The following PCDH9 variants were observed in gnomAD, a reference collection of about 807,000 sequenced individuals.
PCDH9 encodes the protein protocadherin-9.
A neutral mutation model predicts 70.6 loss-of-function variants in PCDH9; 24 were observed. That is an observed-to-expected ratio of 0.34 (90% CI 0.25 to 0.48). The LOEUF is 0.48. Among genes scored for constraint, PCDH9 ranks in the 20% least tolerant of loss-of-function variants. The pLI, the probability that PCDH9 is intolerant of heterozygous loss-of-function variation, is 0.99. For synonymous variants in PCDH9, 562 were observed against 558.5 expected (o/e 1.01, Z -0.09); for missense variants, 1,281 against 1,503.6 (o/e 0.85, Z 2.45).
At chr13:66,553,058 C>A (rs1961562350) in intron 4 of PCDH9, among the ~76,000 whole-genome samples, 1 of 152,152 alleles carries the variant, frequency 6.6e-6, no homozygotes, top group Non-Finnish European at 1.5e-5. Context: ...ATTCAATTAC[C>A]TCTCACCTGG....
chr13:66,623,463 G>A (rs1398403158), intron 4 of PCDH9, among the ~76,000 whole-genome samples: 6 of 152,002 alleles, frequency 3.9e-5, no homozygotes, highest in Admixed American at 3.9e-4. Context: ...TTAAGAGACA[G>A]AATGTTGTCA....
intron 4 of PCDH9, among the ~76,000 whole-genome samples, chr13:66,527,577 T>C (rs1269651557): frequency 1.3e-5 from 2 of 152,106 alleles, no homozygotes; most frequent in Non-Finnish European, 2.9e-5. Flanking sequence ...CTAATATATT[T>C]TGTGCTAAAG....
intron 3 of PCDH9, among the ~76,000 whole-genome samples, chr13:66,801,091 T>G (rs1283575898): frequency 6.7e-6 from 1 of 149,946 alleles, no homozygotes. Context: ...AGGAGGGGGA[T>G]GTAGGTCTGT....
At chr13:66,896,035 C>T (rs1156429961) in intron 3 of PCDH9, among the ~76,000 whole-genome samples, 1 of 152,182 alleles carries the variant, frequency 6.6e-6, no homozygotes, top group Non-Finnish European at 1.5e-5. Context: ...TGCTGTCCAT[C>T]AAGCCTGCGA....
intron 3 of PCDH9, among the ~76,000 whole-genome samples, chr13:66,883,685 AAT>A (rs2081959612): frequency 1.3e-5 from 2 of 152,122 alleles, no homozygotes; most frequent in African/African-American, 2.4e-5. Flanking sequence ...TGGGGTTTTT[AAT>A]ATTTGCCTTT....
chr13:66,331,335 A>T (rs1300282511), intron 4 of PCDH9, among the ~76,000 whole-genome samples: 1 of 152,158 alleles, frequency 6.6e-6, no homozygotes, highest in Non-Finnish European at 1.5e-5. Context: ...AATGAATGAG[A>T]TGAAGGTTGG....
At chr13:67,019,385 C>T (rs1007112334) in intron 2 of PCDH9, among the ~76,000 whole-genome samples, 3 of 151,388 alleles carry the variant, frequency 2.0e-5, no homozygotes, top group Non-Finnish European at 2.9e-5. Context: ...TTAGTAGAGA[C>T]GGGGTTTCAC....
At chr13:66,543,770 A>C (rs557990551) in intron 4 of PCDH9, among the ~76,000 whole-genome samples, 1 of 152,290 alleles carries the variant, frequency 6.6e-6, no homozygotes, top group African/African-American at 2.4e-5. Context: ...CAGAAAAAGA[A>C]AATATAGAAA....
At chr13:66,505,002 C>T (rs1959196727) in intron 4 of PCDH9, among the ~76,000 whole-genome samples, 5 of 152,156 alleles carry the variant, frequency 3.3e-5, no homozygotes, top group Admixed American at 3.3e-4. Context: ...CACTGCTACA[C>T]ATCCTACACC....
At chr13:66,857,544 A>G (rs1481786712) in intron 3 of PCDH9, among the ~76,000 whole-genome samples, 1 of 152,184 alleles carries the variant, frequency 6.6e-6, no homozygotes, top group East Asian at 1.9e-4. Flanking sequence ...AACAATGTCT[A>G]GAGGTCACCA....
At chr13:66,714,133 G>A (rs2078837071) in intron 3 of PCDH9, among the ~76,000 whole-genome samples, 1 of 152,100 alleles carries the variant, frequency 6.6e-6, no homozygotes, top group African/African-American at 2.4e-5. Flanking sequence ...TATAGCTGTT[G>A]CATATAAAGA....
intron 2 of PCDH9, among the ~76,000 whole-genome samples, chr13:67,154,451 C>T (rs991510037): frequency 6.6e-6 from 1 of 151,228 alleles, no homozygotes; most frequent in African/African-American, 2.4e-5. Flanking sequence ...GCGGTAAGTG[C>T]CTATAGTCCC....
chr13:67,163,977 C>T (rs1002268455), intron 2 of PCDH9, among the ~76,000 whole-genome samples: 1 of 152,056 alleles, frequency 6.6e-6, no homozygotes, highest in African/African-American at 2.4e-5. Flanking sequence ...ATGAGTTTCC[C>T]TTTATTTTAT....
intron 3 of PCDH9, among the ~76,000 whole-genome samples, chr13:66,723,738 A>G (rs558609835): frequency 6.6e-6 from 1 of 152,288 alleles, no homozygotes; most frequent in East Asian, 1.9e-4. Context: ...GGTAAAAGGA[A>G]GGGCACAGTA....
intron 2 of PCDH9, among the ~76,000 whole-genome samples, chr13:66,979,177 C>A (rs1371384354): frequency 6.6e-6 from 1 of 151,944 alleles, no homozygotes; most frequent in Non-Finnish European, 1.5e-5. Flanking sequence ...AAACAAAAAC[C>A]TTGGAGTTTT....
chr13:66,787,650 A>T (rs550177724), intron 3 of PCDH9, among the ~76,000 whole-genome samples: 1 of 152,172 alleles, frequency 6.6e-6, no homozygotes, highest in South Asian at 2.1e-4. Flanking sequence ...ATAACACTGA[A>T]TCTGCATTTG....
chr13:66,321,493 T>C (rs1955753316), intron 4 of PCDH9, among the ~76,000 whole-genome samples: 1 of 151,966 alleles, frequency 6.6e-6, no homozygotes, highest in Non-Finnish European at 1.5e-5. Flanking sequence ...TTTCGGTTGA[T>C]GGTCCTCACT....
rs374141956 is a variant in PCDH9, at chr13:66,471,196, T to G, written c.3340+160014A>C. Among the ~76,000 whole-genome samples, 8 of 152,194 alleles carry G rather than the reference T, an allele frequency of 5.3e-5. No homozygotes were observed. In the East Asian group the frequency reaches 9.7e-4, roughly 18 times the overall value. On this transcript the variant is annotated intron_variant, in intron 4 of 4. Transcript: ENST00000377865. ...TTAGCTATGGTTTTAAAAGGACTGA[T>G]CAGTTCGTACATGCCTTTTTTCAAG... is the stretch of plus-strand genomic sequence containing the variant.
intron 3 of PCDH9, among the ~76,000 whole-genome samples, chr13:66,877,630 C>T (rs909240978): frequency 1.3e-5 from 2 of 152,190 alleles, no homozygotes; most frequent in Non-Finnish European, 1.5e-5. Flanking sequence ...CTTTTTACTA[C>T]AATTTTTCCC....
Sources: gnomAD v4.1 joint callset for allele counts (sites outside exome capture counted in the v4.1 genomes callset) on GRCh38, gnomAD v4.1.1 for gene constraint, MANE v1.5 for transcripts, NCBI Gene and HGNC (gene_info 2026-07-23, HGNC 2026-07-21) for gene names.